GSE1: variants seen among roughly 807,000 people sequenced by gnomAD.
GSE1 encodes the protein genetic suppressor element 1.
Under a neutral mutation model 112.6 loss-of-function variants are expected in GSE1, and 32 were observed. That is an observed-to-expected ratio of 0.28 (90% CI 0.21 to 0.38). The LOEUF (loss-of-function observed/expected upper bound fraction) is 0.38, where lower values mean the gene tolerates loss of function less well. Among genes scored for constraint, GSE1 ranks in the 10% least tolerant of loss-of-function variants. The pLI is 1.00. For synonymous variants in GSE1, 1,115 were observed against 735.6 expected, an observed-to-expected ratio of 1.52 and a Z score of -8.35; for missense variants, 2,348 against 1,699.2, an observed-to-expected ratio of 1.38 and a Z score of -6.71.
At chr16:85,511,549 G>A (rs139057917) in intron 2 of GSE1, among the ~76,000 whole-genome samples, 208 of 149,868 alleles carry the variant, frequency 1.4e-3, no homozygotes, top group African/African-American at 5.0e-3. Flanking sequence ...AAAAAAAGAT[G>A]GCCTGGCAAA....
At chr16:85,375,729 C>A (rs564421565) in intron 2 of GSE1, among the ~76,000 whole-genome samples, 17 of 70,112 alleles carry the variant, frequency 2.4e-4, no homozygotes, top group Non-Finnish European at 5.3e-4. Flanking sequence ...GCGAGGGAAC[C>A]ACACAGGCCT....
chr16:85,618,906 C>T (rs1371321764), intron 1 of GSE1, among the ~76,000 whole-genome samples: 1 of 152,232 alleles, frequency 6.6e-6, no homozygotes, highest in Non-Finnish European at 1.5e-5. Flanking sequence ...TTGGGTGATC[C>T]TTCCGTCTCA....
At chr16:85,392,082 C>A (rs561979453) in intron 2 of GSE1, among the ~76,000 whole-genome samples, 2 of 152,212 alleles carry the variant, frequency 1.3e-5, no homozygotes, top group East Asian at 1.9e-4. Flanking sequence ...CAGCCTCACC[C>A]CCCACTCCCT....
At chr16:85,501,759 G>T (rs1403661770) in intron 2 of GSE1, among the ~76,000 whole-genome samples, 1 of 152,200 alleles carries the variant, frequency 6.6e-6, no homozygotes, top group African/African-American at 2.4e-5. Context: ...GGTGAGAACC[G>T]CTCGGGTCAG....
upstream of GSE1, among the ~76,000 whole-genome samples, chr16:85,607,341 C>T (rs1053838613): frequency 3.9e-5 from 6 of 152,330 alleles, no homozygotes; most frequent in Admixed American, 1.3e-4. Flanking sequence ...CCGACGCACA[C>T]GGCTTCCTTT....
At position 85,564,824 on chromosome 16, in the gene GSE1, C is replaced by T. The variant is rs371960281; in HGVS notation, c.37+8461C>T. Among the ~76,000 whole-genome samples, 14 of 152,336 alleles carry T rather than the reference C, an allele frequency of 9.2e-5. No homozygotes were observed. The South Asian group carries it at 2.7e-3, about 29-fold the overall frequency. On this transcript the variant is annotated intron_variant, in intron 1 of 2. Transcript: ENST00000635906. The stretch of plus-strand genomic sequence containing the variant: ...ATCTGTTCCCTGCTCCTCCCAGGCT[C>T]TGCAGGCCAGAGAGATAGATGCATT...
chr16:85,443,299 C>G (rs2049426573), intron 2 of GSE1, among the ~76,000 whole-genome samples: 1 of 152,230 alleles, frequency 6.6e-6, no homozygotes. Context: ...TCGCCCGTTT[C>G]TCCCTTTGGT....
intron 1 of GSE1, among the ~76,000 whole-genome samples, chr16:85,336,557 G>A (rs1463312296): frequency 2.6e-5 from 4 of 152,080 alleles, no homozygotes; most frequent in African/African-American, 4.8e-5. Context: ...TAACACACAC[G>A]TGTGAGCATG....
intron 2 of GSE1, among the ~76,000 whole-genome samples, chr16:85,446,075 A>T (rs1208133905): frequency 6.6e-6 from 1 of 152,210 alleles, no homozygotes; most frequent in African/African-American, 2.4e-5. Context: ...AGCTGCTGGT[A>T]TCAGCGCCAT....
intron 1 of GSE1, among the ~76,000 whole-genome samples, chr16:85,232,597 C>A (rs1050322120): frequency 2.6e-5 from 4 of 152,236 alleles, no homozygotes; most frequent in African/African-American, 9.6e-5. Flanking sequence ...CCCAGCAGAC[C>A]CAGCTCCTGT....
chr16:85,219,850 C>T (rs1050391163), intron 1 of GSE1, among the ~76,000 whole-genome samples: 1 of 152,238 alleles, frequency 6.6e-6, no homozygotes, highest in African/African-American at 2.4e-5. Context: ...GCCGACGTCT[C>T]TTTGTTTCTG....
intron 2 of GSE1, among the ~76,000 whole-genome samples, chr16:85,437,292 G>A (rs562111690): frequency 1.4e-4 from 22 of 152,290 alleles, no homozygotes; most frequent in African/African-American, 5.3e-4. Context: ...AAAGAAGTGG[G>A]GGAGGGGCGA....
At chr16:85,439,107 G>T (rs887006229) in intron 2 of GSE1, among the ~76,000 whole-genome samples, 7 of 152,262 alleles carry the variant, frequency 4.6e-5, no homozygotes, top group Non-Finnish European at 1.5e-5. Flanking sequence ...AGCCAGGGCT[G>T]TCAGGGGTCA....
At chr16:85,324,555 C>T (rs1206751626) in intron 1 of GSE1, among the ~76,000 whole-genome samples, 1 of 151,774 alleles carries the variant, frequency 6.6e-6, no homozygotes, top group Non-Finnish European at 1.5e-5. Context: ...ACATCGGTTC[C>T]ACAAAAGCCT....
intron 2 of GSE1, among the ~76,000 whole-genome samples, chr16:85,485,621 A>G (rs1597913703): frequency 1.3e-5 from 2 of 152,308 alleles, no homozygotes; most frequent in African/African-American, 4.8e-5. Context: ...CACCATTAGC[A>G]CTCGAGAGCC....
At chr16:85,543,320 G>C (rs2044589066) in intron 2 of GSE1, among the ~76,000 whole-genome samples, 1 of 152,098 alleles carries the variant, frequency 6.6e-6, no homozygotes, top group Non-Finnish European at 1.5e-5. Context: ...GGATTCTATA[G>C]AGATAGCAGA....
intron 2 of GSE1, among the ~76,000 whole-genome samples, chr16:85,378,035 G>A (rs8056420): frequency 0.75 from 113,538 of 152,180 alleles, 43,856 homozygotes; most frequent in South Asian, 0.87. Flanking sequence ...ATGTGGTCAA[G>A]TGGATTTTTC....
At chr16:85,510,608 G>C (rs2051709781) in intron 2 of GSE1, among the ~76,000 whole-genome samples, 1 of 152,216 alleles carries the variant, frequency 6.6e-6, no homozygotes, top group Admixed American at 6.5e-5. Context: ...GAAGGGAGGG[G>C]GAACCCAGCC....
rs777816536 is a variant in GSE1, at chr16:85,419,505, C to T, written c.2464+61862C>T. On this transcript the variant is annotated intron_variant, in intron 2 of 2. Coordinates refer to the GSE1 transcript ENST00000637419. The surrounding 1 kb of genome is among the most constrained non-coding windows in gnomAD (Gnocchi z 6.5). ...TCTGTGGTCCTAGCTACTCGGGAGG[C>T]TGAGGTGGGAGGATCGCCTGACCCT... Among the ~76,000 whole-genome samples the T allele has an allele frequency of 1.3e-5, 2 of 151,644 alleles. No individual in the cohort carries two copies. The highest frequency in any genetic ancestry group is 2.9e-5 in the Non-Finnish European group (2 of 67,964).
Sources: gnomAD v4.1 joint callset for allele counts (sites outside exome capture counted in the v4.1 genomes callset) on GRCh38, gnomAD v4.1.1 for gene constraint, Gnocchi (gnomAD v3.1) non-coding constraint, MANE v1.5 for transcripts, NCBI Gene and HGNC (gene_info 2026-07-23, HGNC 2026-07-21) for gene names.